Variants in CSMD1 observed in about 807,000 individuals in gnomAD.
The protein encoded by CSMD1 is CUB and sushi domain-containing protein 1.
In CSMD1, 213 loss-of-function variants were observed where a neutral mutation model predicts 417.5. The observed-to-expected ratio is 0.51, with a 90% CI of 0.46 to 0.57. CSMD1 has a LOEUF of 0.57. CSMD1 is among the 20% of genes least tolerant of loss of function. The pLI is 0.00. For synonymous variants in CSMD1, 2,862 were observed against 1,736.8 expected (o/e 1.65, Z -16.11); for missense variants, 6,923 against 4,529.7 (o/e 1.53, Z -15.17).
intron 3 of CSMD1, among the ~76,000 whole-genome samples, chr8:4,170,982 G>C (rs772484746): frequency 1.8e-4 from 28 of 151,904 alleles, no homozygotes; most frequent in African/African-American, 4.9e-4. Flanking sequence ...GACGAACTGA[G>C]ACTGTAAGTT....
chr8:4,320,607 T>C (rs1018305364), intron 3 of CSMD1, among the ~76,000 whole-genome samples: 6 of 151,890 alleles, frequency 4.0e-5, no homozygotes, highest in African/African-American at 7.3e-5. Context: ...GAACATGCGG[T>C]GTTTGGCTTT....
At chr8:4,298,662 G>T (rs1196062735) in intron 3 of CSMD1, among the ~76,000 whole-genome samples, 2 of 152,054 alleles carry the variant, frequency 1.3e-5, no homozygotes, top group Non-Finnish European at 2.9e-5. Flanking sequence ...ACAGTTCTAA[G>T]AAGTTATTTC....
chr8:3,959,245 A>G (rs141317549), intron 5 of CSMD1, among the ~76,000 whole-genome samples: 198 of 152,360 alleles, frequency 1.3e-3, no homozygotes, highest in African/African-American at 4.4e-3. Flanking sequence ...CACGTGTGTA[A>G]TCCCAGCACT....
intron 1 of CSMD1, among the ~76,000 whole-genome samples, chr8:4,680,083 A>C (rs1805943635): frequency 6.6e-6 from 1 of 152,208 alleles, no homozygotes; most frequent in Non-Finnish European, 1.5e-5. Flanking sequence ...ACATGATTTA[A>C]ATATATTTCA....
intron 2 of CSMD1, among the ~76,000 whole-genome samples, chr8:4,541,664 G>A (rs960214947): frequency 6.6e-6 from 1 of 152,076 alleles, no homozygotes; most frequent in African/African-American, 2.4e-5. Flanking sequence ...GAACCAAGGA[G>A]GCTGAGGTTG....
intron 4 of CSMD1, among the ~76,000 whole-genome samples, chr8:4,004,179 A>G (rs1815922728): frequency 6.6e-6 from 1 of 152,126 alleles, no homozygotes; most frequent in Admixed American, 6.5e-5. Flanking sequence ...TAATTGTGGT[A>G]TTATAGTAAT....
At chr8:3,895,126 G>C (rs1054992313) in intron 5 of CSMD1, among the ~76,000 whole-genome samples, 4 of 152,178 alleles carry the variant, frequency 2.6e-5, no homozygotes, top group African/African-American at 9.7e-5. Flanking sequence ...TGTGATTCAT[G>C]AATCACCTAG....
At position 3,498,652 on chromosome 8, in the gene CSMD1, C is replaced by A. The variant is rs150430887; in HGVS notation, c.1345-4926G>T. 4.5e-3 allele frequency among the ~76,000 whole-genome samples: 692 copies of A among 152,304 alleles called. 2 individuals are homozygous for A. The highest frequency in any genetic ancestry group is 6.0e-3 in the Admixed American group (91 of 15,292). On this transcript the variant is annotated intron_variant, in intron 10 of 69. Coordinates refer to ENST00000635120, the MANE Select transcript of CSMD1 (RefSeq NM_033225.6). The stretch of plus-strand genomic sequence containing the variant: ...CCATAATGGGAATATTTGTCCCCTG[C>A]ATTTTGTTCCACACATTTTGTAGGC...
chr8:3,303,846 A>C (rs1804602186), intron 25 of CSMD1, among the ~76,000 whole-genome samples: 1 of 152,182 alleles, frequency 6.6e-6, no homozygotes, highest in African/African-American at 2.4e-5. Flanking sequence ...ACTTTTAATT[A>C]AATTTGGCTC....
intron 41 of CSMD1, among the ~76,000 whole-genome samples, chr8:3,125,282 C>A (rs1269809697): frequency 6.6e-6 from 1 of 152,176 alleles, no homozygotes; most frequent in Non-Finnish European, 1.5e-5. Context: ...GCAGGTGCCT[C>A]TGAAGGACTT....
chr8:4,275,551 A>T (rs537918461), intron 3 of CSMD1, among the ~76,000 whole-genome samples: 9 of 152,294 alleles, frequency 5.9e-5, no homozygotes, highest in African/African-American at 2.2e-4. Context: ...TGAACTTCCA[A>T]AACTTCTGAG....
At chr8:3,007,417 C>G (rs1346330764) in intron 52 of CSMD1, among the ~76,000 whole-genome samples, 1 of 151,450 alleles carries the variant, frequency 6.6e-6, no homozygotes, top group African/African-American at 2.4e-5. Context: ...CATCCCATTA[C>G]TGGGTATATA....
intron 9 of CSMD1, among the ~76,000 whole-genome samples, chr8:3,583,110 C>T (rs775822249): frequency 4.6e-5 from 7 of 152,096 alleles, no homozygotes; most frequent in Non-Finnish European, 5.9e-5. Flanking sequence ...CTGGCCTCAT[C>T]CCTATCTTTC....
chr8:4,048,127 C>A (rs1044914952), intron 3 of CSMD1, among the ~76,000 whole-genome samples: 2 of 152,144 alleles, frequency 1.3e-5, no homozygotes, highest in Non-Finnish European at 2.9e-5. Context: ...TCTAAACATA[C>A]TTGCCTAAGG....
intron 3 of CSMD1, among the ~76,000 whole-genome samples, chr8:4,408,743 G>C (rs1432488983): frequency 6.6e-6 from 1 of 152,132 alleles, no homozygotes; most frequent in East Asian, 1.9e-4. Context: ...GGTCAACAGA[G>C]TATCTATTGT....
intron 6 of CSMD1, among the ~76,000 whole-genome samples, chr8:3,746,767 G>A (rs963572532): frequency 6.6e-6 from 1 of 152,130 alleles, no homozygotes. Context: ...TGTTCAGAAT[G>A]AACTTTTACA....
chr8:3,473,063 C>T (rs1817198657), intron 11 of CSMD1, among the ~76,000 whole-genome samples: 1 of 152,100 alleles, frequency 6.6e-6, no homozygotes, highest in African/African-American at 2.4e-5. Context: ...TTGATTTTAA[C>T]TTACTAAAAA....
intron 1 of CSMD1, among the ~76,000 whole-genome samples, chr8:4,720,904 T>G (rs1584996314): frequency 6.6e-6 from 1 of 152,184 alleles, no homozygotes; most frequent in African/African-American, 2.4e-5. Context: ...CCTGGTGACC[T>G]TGATCAAACA....
At chr8:4,271,774 G>A (rs750305358) in intron 3 of CSMD1, among the ~76,000 whole-genome samples, 1 of 152,134 alleles carries the variant, frequency 6.6e-6, no homozygotes. Context: ...AATGGATGCA[G>A]CTTCCACATT....
Sources: gnomAD v4.1 joint callset for allele counts (sites outside exome capture counted in the v4.1 genomes callset) on GRCh38, gnomAD v4.1.1 for gene constraint, MANE v1.5 for transcripts, NCBI Gene and HGNC (gene_info 2026-07-23, HGNC 2026-07-21) for gene names.